The following MRPL37 variants were observed in gnomAD, a reference collection of about 807,000 sequenced individuals.
MRPL37 encodes large ribosomal subunit protein mL37.
In MRPL37, 34 loss-of-function variants were observed where a neutral mutation model predicts 44.1. The ratio of observed to expected loss-of-function variants is 0.77; its 90% CI spans 0.59 to 1.03. MRPL37 has a LOEUF of 1.03. Among genes scored for constraint, MRPL37 ranks in the 50% least tolerant of loss-of-function variants. The pLI is 0.00. For synonymous variants in MRPL37, 212 were observed against 219.5 expected, an observed-to-expected ratio of 0.97 and a Z score of 0.30; for missense variants, 532 against 543.7, an observed-to-expected ratio of 0.98 and a Z score of 0.21.
intron 5 of MRPL37, among the ~76,000 whole-genome samples, chr1:54,215,054 G>T (rs1456120684): frequency 6.6e-6 from 1 of 152,200 alleles, no homozygotes; most frequent in East Asian, 1.9e-4. Context: ...GCTTCATGGG[G>T]CCTGCCTGTT....
In MRPL37 at chr1:54,205,155, C is replaced by T. The variant is rs201357587; in HGVS notation, c.484C>T (p.Arg162Cys). 7.1e-5 allele frequency: 115 copies of T among 1,614,130 alleles called. No homozygotes were observed. The highest frequency in any genetic ancestry group is 1.3e-4 in the Admixed American group (8 of 60,016). ...CGTTCTGAATGTGATCTCTCACGCC[C>T]GTCTCTGGCAGACCACTGAGGAAAT... ...ECVLNVISHA[R>C]LWQTTEEIPK... The change falls in exon 2 of 7, where the codon CGT (arginine) becomes TGT (cysteine). Residue 162 changes from arginine (R) to cysteine (C), a missense_variant. Transcript: ENST00000360840.
chr1:54,200,586 G>A lies in MRPL37; in HGVS notation c.343G>A (p.Glu115Lys), dbSNP rs1225266612. The A allele has an allele frequency of 1.9e-6, 3 of 1,592,178 alleles. No homozygotes were observed. The East Asian group carries it at 6.7e-5, about 36-fold the overall frequency. Residue 115 changes from glutamate to lysine, a missense_variant, in exon 1 of 7, where the codon GAG becomes AAG. Transcript: ENST00000360840. ...CTTTCACCACCGTTGCCGCCTTCTC[G>A]AGGGTGAGGCCCCAGGACGGGCGGC... ...YIFHHRCRLL[E>K]GVKQALWLTK...
At position 54,205,295 on chromosome 1, in the gene MRPL37, C is replaced by A. The variant is rs763437881; in HGVS notation, c.531C>A (p.Cys177Ter). 1 of 1,612,468 alleles carries A rather than the reference C, an allele frequency of 6.2e-7. No homozygotes were observed. The highest frequency in any genetic ancestry group is 8.5e-7 in the Non-Finnish European group (1 of 1,178,742). ...CCAAATGTCTCTTTTTGTCTTCAAGCCCGGTCATCGTGGACAACCTAATAC... is the reference window on the plus strand; with the variant it reads ...CCAAATGTCTCTTTTTGTCTTCAAGACCGGTCATCGTGGACAACCTAATAC... ...TEEIPKRETY[C>*]PVIVDNLIQL... Residue 177 changes from cysteine to a stop codon, truncating the protein, a stop_gained and splice_region_variant, in exon 3 of 7, where the codon TGC becomes TGA. Transcript: ENST00000360840. LOFTEE classifies it high-confidence loss of function.
At position 54,210,072 on chromosome 1, in the gene MRPL37, C is replaced by T. The variant is rs1644153445; in HGVS notation, c.773C>T (p.Pro258Leu). The T allele has an allele frequency of 4.3e-6, 7 of 1,614,022 alleles. No individual in the cohort carries two copies. In the East Asian group the frequency reaches 1.6e-4, roughly 36 times the overall value. ...TKNHVLETFY[P>L]ISPIIDLHEC... is the part of the protein sequence containing the mutation. The stretch of plus-strand genomic sequence containing the variant: ...AATCATGTTCTAGAGACCTTCTACC[C>T]CATATCACCCATCATCGATCTTCAT... Residue 258 changes from proline to leucine, a missense_variant, in exon 4 of 7, where the codon CCC (proline) becomes CTC (leucine). By Grantham distance (98) the Pro-to-Leu change is moderately conservative. Transcript: ENST00000360840.
intron 3 of MRPL37, among the ~76,000 whole-genome samples, chr1:54,206,342 G>C (rs1039079025): frequency 6.6e-6 from 1 of 152,014 alleles, no homozygotes. Context: ...TCGATCTCCT[G>C]ACCTCCTGAT....
chr1:54,212,484 A>G lies in MRPL37; in HGVS notation c.833-17A>G, dbSNP rs375313503. On this transcript the variant is annotated splice_polypyrimidine_tract_variant and intron_variant, in intron 4 of 6. Transcript: ENST00000360840. Reference sequence around the variant, plus strand: ...ATGAATCCTTTCCACCCCTCCACATAATTGTGTCTCTTGCAGGATTCCAGG... The same window carrying G: ...ATGAATCCTTTCCACCCCTCCACATGATTGTGTCTCTTGCAGGATTCCAGG... 1 of 1,612,792 alleles carries G rather than the reference A, an allele frequency of 6.2e-7. No homozygotes were observed.
chr1:54,204,532 C>T (rs992267360), intron 1 of MRPL37, among the ~76,000 whole-genome samples: 3 of 152,218 alleles, frequency 2.0e-5, no homozygotes, highest in Admixed American at 2.0e-4. Context: ...AGGTTCCTTT[C>T]CCTTGAGAAG....
At chr1:54,200,785 A>G (rs1438071854) in intron 1 of MRPL37, among the ~76,000 whole-genome samples, 196 bp downstream of exon 1, 1 of 152,190 alleles carries the variant, frequency 6.6e-6, no homozygotes, top group Non-Finnish European at 1.5e-5. Flanking sequence ...GTGCAGGAGT[A>G]ATAGAGAGTT....
At chr1:54,223,916 A>G (rs968137145), downstream of MRPL37, among the ~76,000 whole-genome samples, 1 of 152,226 alleles carries the variant, frequency 6.6e-6, no homozygotes, top group Non-Finnish European at 1.5e-5. Context: ...TCTGCCCCTG[A>G]GGAAGGCCAA....
At position 54,205,309 on chromosome 1, in the gene MRPL37, A is replaced by G. The variant is rs754745506; in HGVS notation, c.545A>G (p.Asp182Gly). The G allele has an allele frequency of 4.3e-6, 7 of 1,613,252 alleles. No individual in the cohort carries two copies. In the South Asian group the frequency reaches 6.6e-5, roughly 15 times the overall value. ...KRETYCPVIV[D>G]NLIQLCKSQI... ...TTGTCTTCAAGCCCGGTCATCGTGGACAACCTAATACAGCTGTGTAAATCT... is the reference window on the plus strand; with the variant it reads ...TTGTCTTCAAGCCCGGTCATCGTGGGCAACCTAATACAGCTGTGTAAATCT... The change falls in exon 3 of 7, where the codon GAC becomes GGC. Residue 182 changes from aspartate to glycine, a missense_variant. Asp to Gly is a moderately conservative substitution (Grantham distance 94, BLOSUM62 -1). Coordinates refer to ENST00000360840, the MANE Select transcript of MRPL37 (RefSeq NM_016491.4).
rs774487336 is a variant in MRPL37 at position 54,209,899 on chromosome 1, G to A, written c.647-47G>A. 18 of 1,586,970 alleles carry A rather than the reference G, an allele frequency of 1.1e-5. 1 individual carries two copies. The highest frequency in any genetic ancestry group is 3.9e-4 in the Middle Eastern group (2 of 5,076). ...GGCATGAGCTACTGCGCCTAGCTGC[G>A]AAAGCCTTTAGTACCAGGTTAGAGT... On this transcript the variant is annotated intron_variant, in intron 3 of 6. Transcript: ENST00000360840.
downstream of MRPL37, among the ~76,000 whole-genome samples, chr1:54,221,866 GTGT>G (rs60745581): frequency 1.3e-5 from 2 of 152,196 alleles, no homozygotes; most frequent in African/African-American, 4.8e-5. Context: ...TGTGTACCAG[GTGT>G]TGTGCTGGGA....
chr1:54,213,091 T>C (rs937754910), intron 5 of MRPL37, among the ~76,000 whole-genome samples: 2 of 152,114 alleles, frequency 1.3e-5, no homozygotes, highest in African/African-American at 4.8e-5. Context: ...AGTGGAGCAA[T>C]AGAGATGGCC....
chr1:54,223,031 A>G (rs1644246046), downstream of MRPL37, among the ~76,000 whole-genome samples: 1 of 152,230 alleles, frequency 6.6e-6, no homozygotes, highest in African/African-American at 2.4e-5. Flanking sequence ...CATGGGAGGC[A>G]GGAAACCAAG....
Position 54,200,598 on chromosome 1 carries a change from C to T in MRPL37, c.346+9C>T, listed in dbSNP as rs1010066195. 9.5e-6 allele frequency: 15 copies of T among 1,581,868 alleles called. No individual in the cohort carries two copies. The highest frequency in any genetic ancestry group is 1.3e-5 in the Non-Finnish European group (15 of 1,159,626). On this transcript the variant is annotated intron_variant, in intron 1 of 6. Coordinates refer to ENST00000360840, the MANE Select transcript of MRPL37 (RefSeq NM_016491.4). ...TTGCCGCCTTCTCGAGGGTGAGGCCCCAGGACGGGCGGCAAGGGACCGTGT... is the reference window on the plus strand; with the variant it reads ...TTGCCGCCTTCTCGAGGGTGAGGCCTCAGGACGGGCGGCAAGGGACCGTGT...
downstream of MRPL37, among the ~76,000 whole-genome samples, chr1:54,220,122 A>T (rs1171734468): frequency 1.3e-5 from 2 of 152,010 alleles, no homozygotes; most frequent in African/African-American, 4.8e-5. Context: ...GGATGGCGGT[A>T]GGGAGTCCAG....
At chr1:54,216,080 C>G in intron 5 of MRPL37, 61 bp from the exon 6 acceptor site, 1 of 1,558,222 alleles carries the variant, frequency 6.4e-7, no homozygotes, top group Non-Finnish European at 8.8e-7. Flanking sequence ...CTGCCTGGGC[C>G]GTGCTGTTCC....
In MRPL37 at chr1:54,200,207, G is replaced by A. The variant is rs749509839; in HGVS notation, c.-37G>A. The stretch of plus-strand genomic sequence containing the variant: ...CAGGCCCTGCGCGCGGCAACATGGC[G>A]GGGTCCAGGTGGAGGTCTTGAGGCT... On this transcript the variant is annotated 5_prime_UTR_variant, in exon 1 of 7. Transcript: ENST00000360840. The A allele has an allele frequency of 7.3e-6, 11 of 1,506,772 alleles. No homozygotes were observed. The highest frequency in any genetic ancestry group is 9.7e-6 in the Non-Finnish European group (11 of 1,134,920). 93.3% of individuals were successfully genotyped at this position (1,506,772 alleles called of 1,614,324 possible).
In MRPL37 at chr1:54,217,984, G is replaced by C. The variant is rs369863431; in HGVS notation, c.1195-188G>C. On this transcript the variant is annotated intron_variant, in intron 6 of 6. Coordinates refer to ENST00000360840, the MANE Select transcript of MRPL37 (RefSeq NM_016491.4). ...CGTCAACAGTTGTTTTGGCTGAAGG[G>C]GGCTGGGAATGCTTCCTGTCCTCCC... Among the ~76,000 whole-genome samples the C allele has an allele frequency of 1.1e-4, 17 of 152,164 alleles. No homozygotes were observed. In the East Asian group the frequency reaches 1.7e-3, roughly 16 times the overall value.
Sources: gnomAD v4.1 joint callset for allele counts (sites outside exome capture counted in the v4.1 genomes callset) on GRCh38, gnomAD v4.1.1 for gene constraint, MANE v1.5 for transcripts, NCBI Gene and HGNC (gene_info 2026-07-23, HGNC 2026-07-21) for gene names.